Variants in ATRNL1 observed in about 807,000 individuals in gnomAD.
ATRNL1 encodes the protein attractin-like protein 1.
In ATRNL1, 95 loss-of-function variants were observed where a neutral mutation model predicts 182.7. The observed-to-expected ratio is 0.52, with a 90% confidence interval of 0.44 to 0.62. ATRNL1 has a LOEUF of 0.62. Ranked by LOEUF, ATRNL1 falls within the 20% of genes least tolerant of loss-of-function variation. ATRNL1 has a pLI of 0.00. For missense variants in ATRNL1, 1,471 were observed against 1,679.5 expected, an observed-to-expected ratio of 0.88 and a Z score of 2.17; for synonymous variants, 576 against 568.3, an observed-to-expected ratio of 1.01 and a Z score of -0.19.
rs371534050 is a variant in ATRNL1, at chr10:115,469,253, A to G, written c.3578A>G (p.Lys1193Arg). 65 of 1,518,204 alleles carry G rather than the reference A, an allele frequency of 4.3e-5. No individual in the cohort carries two copies. Among genetic ancestry groups the G allele is most frequent in the Middle Eastern group, 1.7e-4 (1 of 5,776 alleles). 94.0% of individuals were successfully genotyped at this position (1,518,204 alleles called of 1,614,324 possible). ...TACAGAGATAGTTTTTCCTATGAAA[A>G]ATTTAACTTTAGAAGCAATCCTAAC... ...KEYRDSFSYEKFNFRSNPNIT... is the reference protein window; with the variant it reads ...KEYRDSFSYERFNFRSNPNIT... The change falls in exon 24 of 29, where the codon AAA becomes AGA. Residue 1193 changes from lysine (K) to arginine (R), a missense_variant. By Grantham distance (26) the Lys-to-Arg change is conservative. This residue lies in a region of ATRNL1 where 437 missense variants were observed against 506.0 expected (regional missense o/e 0.86). Coordinates refer to ENST00000355044, the MANE Select transcript of ATRNL1 (RefSeq NM_207303.4).
intron 24 of ATRNL1, among the ~76,000 whole-genome samples, chr10:115,497,434 T>A (rs1849603806): frequency 6.6e-6 from 1 of 152,130 alleles, no homozygotes; most frequent in South Asian, 2.1e-4. Flanking sequence ...GTGGAGGACA[T>A]CCCTTGGCTC....
intron 9 of ATRNL1, among the ~76,000 whole-genome samples, chr10:115,218,153 C>T (rs1159222747): frequency 6.6e-6 from 1 of 151,400 alleles, no homozygotes; most frequent in Non-Finnish European, 1.5e-5. Flanking sequence ...AAGTGAGAAT[C>T]CTGGGCTTGT....
At chr10:115,417,061 G>C (rs782066757) in intron 20 of ATRNL1, among the ~76,000 whole-genome samples, 32 of 152,174 alleles carry the variant, frequency 2.1e-4, no homozygotes, top group South Asian at 4.1e-4. Flanking sequence ...GGCCCAAAGA[G>C]GGTTGTTTTG....
At chr10:115,558,961 C>T (rs1729645354) in intron 26 of ATRNL1, among the ~76,000 whole-genome samples, 1 of 152,114 alleles carries the variant, frequency 6.6e-6, no homozygotes, top group African/African-American at 2.4e-5. Flanking sequence ...AGGCCTGAGG[C>T]TCTCTTCTTC....
intron 24 of ATRNL1, among the ~76,000 whole-genome samples, chr10:115,518,688 T>C (rs139347902): frequency 3.2e-4 from 48 of 152,106 alleles, no homozygotes; most frequent in African/African-American, 1.2e-3. Context: ...ATATTGTTGA[T>C]TGATATACTA....
intron 25 of ATRNL1, among the ~76,000 whole-genome samples, chr10:115,549,223 G>A (rs1852831429): frequency 6.6e-6 from 1 of 151,896 alleles, no homozygotes; most frequent in African/African-American, 2.4e-5. Flanking sequence ...TTCTGACAGA[G>A]AAAATTCTAA....
At chr10:115,163,507 G>A (rs976992899) in intron 6 of ATRNL1, among the ~76,000 whole-genome samples, 3 of 151,902 alleles carry the variant, frequency 2.0e-5, no homozygotes, top group East Asian at 3.9e-4. Flanking sequence ...GGGATTATAG[G>A]CATGCAACAC....
At chr10:115,621,266 T>C (rs763399899) in intron 26 of ATRNL1, among the ~76,000 whole-genome samples, 17 of 56,662 alleles carry the variant, frequency 3.0e-4, no homozygotes, top group Non-Finnish European at 5.6e-4. Flanking sequence ...TATATATATA[T>C]ATATATATAT....
rs1157138760 is a variant in ATRNL1 at position 115,600,947 on chromosome 10, T to G, written c.3795+51411T>G. Among the ~76,000 whole-genome samples, 36 of 98,242 alleles carry G rather than the reference T, an allele frequency of 3.7e-4. 1 individual carries two copies. In the South Asian group the frequency reaches 0.013, roughly 37 times the overall value. The allele number at this position is 98,242 out of a possible 152,430, so 64.5% of individuals were successfully genotyped here. On this transcript the variant is annotated intron_variant, in intron 26 of 28. Coordinates refer to ENST00000355044, the MANE Select transcript of ATRNL1 (RefSeq NM_207303.4). Reference sequence around the variant, plus strand: ...TTATTTTCTTTTTTTTTTTTTTTTTTGCCCTGTATGGATGTCCACATTTTC... The same window carrying G: ...TTATTTTCTTTTTTTTTTTTTTTTTGGCCCTGTATGGATGTCCACATTTTC...
intron 5 of ATRNL1, among the ~76,000 whole-genome samples, chr10:115,148,509 C>A (rs1029075159): frequency 5.9e-5 from 9 of 152,116 alleles, no homozygotes; most frequent in Non-Finnish European, 1.2e-4. Context: ...ACATCTTTGT[C>A]TTCCTCCAGT....
At chr10:115,543,207 A>C (rs12781613) in intron 25 of ATRNL1, among the ~76,000 whole-genome samples, 27,165 of 152,132 alleles carry the variant, frequency 0.18, 3,048 homozygotes, top group Non-Finnish European at 0.25. Flanking sequence ...CAACCCTCAG[A>C]AGTTTGACCA....
At chr10:115,147,600 G>A (rs1477315417) in intron 5 of ATRNL1, among the ~76,000 whole-genome samples, 2 of 151,766 alleles carry the variant, frequency 1.3e-5, no homozygotes, top group Non-Finnish European at 2.9e-5. Context: ...GATAGTTTTG[G>A]GTCTTAGGGT....
chr10:115,890,966 G>A (rs2134462893), intron 28 of ATRNL1, among the ~76,000 whole-genome samples: 1 of 152,240 alleles, frequency 6.6e-6, no homozygotes, highest in South Asian at 2.1e-4. Context: ...GATGCCGACT[G>A]GGGACTCATG....
intron 25 of ATRNL1, among the ~76,000 whole-genome samples, chr10:115,529,377 T>A (rs1334257338): frequency 2.6e-5 from 4 of 151,942 alleles, no homozygotes; most frequent in African/African-American, 9.6e-5. Context: ...ATGTTTCTTT[T>A]ATACCAAAAA....
intron 28 of ATRNL1, among the ~76,000 whole-genome samples, chr10:115,933,355 A>T (rs1953462029): frequency 6.6e-6 from 1 of 152,158 alleles, no homozygotes; most frequent in South Asian, 2.1e-4. Flanking sequence ...TGCAGTTCTC[A>T]CTCTTGTAGA....
chr10:115,222,433 A>G (rs146176701), intron 9 of ATRNL1, among the ~76,000 whole-genome samples: 2 of 152,164 alleles, frequency 1.3e-5, no homozygotes, highest in African/African-American at 4.8e-5. Flanking sequence ...CAAAAGTGAC[A>G]AAGACATCAA....
chr10:115,636,881 G>A (rs77432836), intron 26 of ATRNL1, among the ~76,000 whole-genome samples: 2,833 of 152,158 alleles, frequency 0.019, 103 homozygotes, highest in African/African-American at 0.065. Flanking sequence ...TAATAAAAAG[G>A]AATGACGTAC....
At chr10:115,470,889 T>C (rs1554971984) in intron 24 of ATRNL1, among the ~76,000 whole-genome samples, 2 of 150,748 alleles carry the variant, frequency 1.3e-5, no homozygotes, top group African/African-American at 4.8e-5. Flanking sequence ...TATGTGTTTA[T>C]TTATAAGACT....
At chr10:115,556,761 T>TACTA (rs1853337544) in intron 26 of ATRNL1, among the ~76,000 whole-genome samples, 1 of 151,630 alleles carries the variant, frequency 6.6e-6, no homozygotes, top group Non-Finnish European at 1.5e-5. Flanking sequence ...ACATTAATAT[T>TACTA]ACTAACAACA....
Sources: gnomAD v4.1 joint callset for allele counts (sites outside exome capture counted in the v4.1 genomes callset) on GRCh38, gnomAD v4.1.1 for gene constraint, gnomAD v4.1.1 regional missense constraint, MANE v1.5 for transcripts, NCBI Gene and HGNC (gene_info 2026-07-23, HGNC 2026-07-21) for gene names.